PRDM9: variants seen among roughly 807,000 people sequenced by gnomAD.
The protein encoded by PRDM9 is PR/SET domain 9, also known as histone-lysine N-methyltransferase PRDM9.
In PRDM9, 47 loss-of-function variants were observed where a neutral mutation model predicts 55.6. That is an observed-to-expected ratio of 0.85 (90% CI 0.67 to 1.08). PRDM9 has a LOEUF of 1.08. Ranked by LOEUF, PRDM9 falls within the 50% of genes least tolerant of loss-of-function variation. The pLI is 0.00. For synonymous variants in PRDM9, 312 were observed against 375.7 expected (o/e 0.83, Z 1.96); for missense variants, 867 against 1,040.3 (o/e 0.83, Z 2.29).
chr5:23,516,801 C>T (rs1034911026), intron 4 of PRDM9, among the ~76,000 whole-genome samples: 48 of 144,334 alleles, frequency 3.3e-4, no homozygotes, highest in Middle Eastern at 7.9e-3. Flanking sequence ...TTCACTGCAA[C>T]CTCTGCCTCC....
intron 4 of PRDM9, 70 bp from the exon 5 acceptor site, chr5:23,517,811 A>C (rs1739244430): frequency 2.9e-6 from 4 of 1,393,988 alleles, no homozygotes; most frequent in Non-Finnish European, 4.1e-6. Context: ...AAAATAAAAA[A>C]TAGAAGAGAG....
At position 23,509,936 on chromosome 5, in the gene PRDM9, AC is replaced by A. The variant is rs774933377; in HGVS notation, c.212del (p.Pro71GlnfsTer38). 2.5e-6 allele frequency: 4 copies of A among 1,613,970 alleles called. No individual in the cohort carries two copies. In the South Asian group the frequency reaches 4.4e-5, roughly 18 times the overall value. On this transcript the variant is annotated frameshift_variant, in exon 4 of 11. Coordinates refer to ENST00000296682, the MANE Select transcript of PRDM9 (RefSeq NM_020227.4). LOFTEE classifies it high-confidence loss of function. ...TCTTTTCAGGTCTCAGAGCCACTCG[AC>A]CAGCTTTCATGTGTCACCGAAGGCA... ...LITIGLRATR[P>X]AFMCHRRQAI... is the part of the protein sequence containing the mutation.
intron 4 of PRDM9, among the ~76,000 whole-genome samples, chr5:23,514,545 T>C (rs2126414401): frequency 6.6e-6 from 1 of 152,010 alleles, no homozygotes; most frequent in African/African-American, 2.4e-5. Flanking sequence ...ACCTCCTGGG[T>C]TCAAGCAATT....
In PRDM9 at chr5:23,527,786, A is replaced by C; in HGVS notation, c.*13A>C. 1 of 1,614,132 alleles carries C rather than the reference A, an allele frequency of 6.2e-7. No individual in the cohort carries two copies. The highest frequency in any genetic ancestry group is 1.6e-4 in the Middle Eastern group (1 of 6,062). On this transcript the variant is annotated 3_prime_UTR_variant, in exon 11 of 11. Transcript: ENST00000296682. Reference sequence around the variant, plus strand: ...GGAGGATGAGTAAGTCATTAGTAATAAAACCTCATCTCAATAGCCACAAAA... The same window carrying C: ...GGAGGATGAGTAAGTCATTAGTAATCAAACCTCATCTCAATAGCCACAAAA...
At position 23,522,209 on chromosome 5, in the gene PRDM9, G is replaced by A; in HGVS notation, c.509-95G>A. The A allele has an allele frequency of 3.7e-6, 4 of 1,085,544 alleles. No individual in the cohort carries two copies. In the South Asian group the frequency reaches 3.7e-5, roughly 10 times the overall value. 67.2% of individuals were successfully genotyped at this position (1,085,544 alleles called of 1,614,324 possible). On this transcript the variant is annotated intron_variant, in intron 6 of 10. Coordinates refer to ENST00000296682, the MANE Select transcript of PRDM9 (RefSeq NM_020227.4). ...GGACACTAGAGTATGTAGAAAGGTA[G>A]ATGCCAATTTGATGGTAGATTTCAC...
intron 1 of PRDM9, among the ~76,000 whole-genome samples, chr5:23,508,681 C>T (rs573789752): frequency 1.3e-5 from 2 of 152,288 alleles, no homozygotes; most frequent in Non-Finnish European, 2.9e-5. Context: ...TAGCTACAAC[C>T]CTCCAGGCAC....
At chr5:23,509,647 G>T in intron 3 of PRDM9, 54 bp downstream of exon 3, 1 of 1,613,132 alleles carries the variant, frequency 6.2e-7, no homozygotes, top group Non-Finnish European at 8.5e-7. Flanking sequence ...ACAGGTCTTT[G>T]GTCCCTATAT....
rs147810365 is a variant in PRDM9, at chr5:23,516,118, T to C, written c.302-1763T>C. Among the ~76,000 whole-genome samples the C allele has an allele frequency of 3.4e-3, 524 of 152,322 alleles. 1 individual carries two copies. The highest frequency in any genetic ancestry group is 0.012 in the African/African-American group (488 of 41,570). ...TTTGATAGTATGAACATGTTAACAA[T>C]ATTAAGTCTTCAAATCCATGAACAC... On this transcript the variant is annotated intron_variant, in intron 4 of 10. Coordinates refer to ENST00000296682, the MANE Select transcript of PRDM9 (RefSeq NM_020227.4).
At chr5:23,521,201 G>GA (rs749227033) in intron 6 of PRDM9, 22 bp downstream of exon 6, 1 of 1,611,776 alleles carries the variant, frequency 6.2e-7, no homozygotes, top group Non-Finnish European at 8.5e-7. Context: ...TATTTGCGGG[G>GA]ACTTTAGTCC....
chr5:23,526,261 C>T lies in PRDM9; in HGVS notation c.1173C>T (p.Pro391=). The change falls in exon 11 of 11, where the codon CCC becomes CCT. Residue 391 remains proline (P), a synonymous_variant. Coordinates refer to ENST00000296682, the MANE Select transcript of PRDM9 (RefSeq NM_020227.4). Reference sequence around the variant, plus strand: ...CAAAGCCAGAGATCCATCCATGTCCCTCATGCTGTCTGGCCTTTTCAAGTC... The same window carrying T: ...CAAAGCCAGAGATCCATCCATGTCCTTCATGCTGTCTGGCCTTTTCAAGTC... ...REPKPEIHPC[P]SCCLAFSSQK... 1.9e-6 allele frequency: 3 copies of T among 1,614,204 alleles called. No individual in the cohort carries two copies. Among genetic ancestry groups the T allele is most frequent in the Non-Finnish European group, 2.5e-6 (3 of 1,180,040 alleles).
At position 23,526,213 on chromosome 5, in the gene PRDM9, C is replaced by T; in HGVS notation, c.1145-20C>T. ...GGCCTGAACAAAACATCTACCCTGA[C>T]CAAAAACTTCCTCTTTCAGAACCAA... On this transcript the variant is annotated intron_variant, in intron 10 of 10. Coordinates refer to ENST00000296682, the MANE Select transcript of PRDM9 (RefSeq NM_020227.4). 3.7e-6 allele frequency: 6 copies of T among 1,610,680 alleles called. No individual in the cohort carries two copies. The highest frequency in any genetic ancestry group is 5.1e-6 in the Non-Finnish European group (6 of 1,176,874).
At position 23,527,561 on chromosome 5, in the gene PRDM9, A is replaced by G. The variant is rs745855820; in HGVS notation, c.2473A>G (p.Thr825Ala). ...GTCACACCTCCTCAGACACCAGAGG[A>G]CACACACAGGGGAGAAGCCCTATGT... is the stretch of plus-strand genomic sequence containing the variant. ...NKSHLLRHQR[T>A]HTGEKPYVCR... is the part of the protein sequence containing the mutation. Residue 825 changes from threonine to alanine, a missense_variant, in exon 11 of 11, where the codon ACA becomes GCA. This residue lies in a region of PRDM9 where 92 missense variants were observed against 185.7 expected (regional missense o/e 0.50). Coordinates refer to ENST00000296682, the MANE Select transcript of PRDM9 (RefSeq NM_020227.4). 42 of 1,574,392 alleles carry G rather than the reference A, an allele frequency of 2.7e-5. No homozygotes were observed. Among genetic ancestry groups the G allele is most frequent in the Non-Finnish European group, 7.7e-6 (9 of 1,168,556 alleles).
chr5:23,518,169 A>T (rs1368706801), intron 5 of PRDM9, among the ~76,000 whole-genome samples: 1 of 152,210 alleles, frequency 6.6e-6, no homozygotes, highest in Non-Finnish European at 1.5e-5. Context: ...ACATGAATAA[A>T]CTTTACATAT....
Position 23,527,602 on chromosome 5 carries a change from G to A in PRDM9, c.2514G>A (p.Gly838=), listed in dbSNP as rs1369236786. 1 of 1,512,366 alleles carries A rather than the reference G, an allele frequency of 6.6e-7. No individual in the cohort carries two copies. Among genetic ancestry groups the A allele is most frequent in the Non-Finnish European group, 8.9e-7 (1 of 1,126,538 alleles). The allele number at this position is 1,512,366 out of a possible 1,614,324, so 93.7% of individuals were successfully genotyped here. The change falls in exon 11 of 11, where the codon GGG becomes GGA. Residue 838 remains glycine (G), a synonymous_variant. Transcript: ENST00000296682. ...GEKPYVCREC[G]RGFRNKSHLL... ...AGCCCTATGTCTGCAGGGAGTGTGG[G>A]CGGGGCTTTCGCAATAAGTCACACC...
At chr5:23,516,608 G>A (rs567439299) in intron 4 of PRDM9, among the ~76,000 whole-genome samples, 56 of 151,814 alleles carry the variant, frequency 3.7e-4, no homozygotes, top group African/African-American at 9.2e-4. Flanking sequence ...TCCTGACCTC[G>A]TGATCTGCGC....
chr5:23,521,023 G>C lies in PRDM9; in HGVS notation c.352G>C (p.Gly118Arg). The change falls in exon 6 of 11, where the codon GGA (glycine) becomes CGA (arginine). Residue 118 changes from glycine to arginine, a missense_variant and splice_region_variant. This residue lies in a region of PRDM9 where 662 missense variants were observed against 711.9 expected (regional missense o/e 0.93). Transcript: ENST00000296682. ...TTAATATGTGACTCTCACATTAAAG[G>C]GAATGCCCAAGGCGTCATTCAGTAA... The part of the protein sequence containing the change: ...LRVEQRKHQK[G>R]MPKASFSNES... 6.2e-7 allele frequency: 1 copy of C among 1,614,028 alleles called. No individual in the cohort carries two copies. The highest frequency in any genetic ancestry group is 1.1e-5 in the South Asian group (1 of 91,072).
chr5:23,524,996 G>C (rs540831958), intron 10 of PRDM9, among the ~76,000 whole-genome samples: 38 of 152,320 alleles, frequency 2.5e-4, no homozygotes, highest in African/African-American at 8.4e-4. Flanking sequence ...CAGAAAAACT[G>C]CTCTTGACAT....
intron 9 of PRDM9, among the ~76,000 whole-genome samples, chr5:23,524,022 G>A (rs1349487542): frequency 1.3e-5 from 2 of 152,196 alleles, no homozygotes; most frequent in Non-Finnish European, 2.9e-5. Context: ...TTAGAGTTTA[G>A]AGAAGCTAGA....
chr5:23,517,291 A>G (rs913571675), intron 4 of PRDM9, among the ~76,000 whole-genome samples: 8 of 152,054 alleles, frequency 5.3e-5, no homozygotes, highest in Admixed American at 2.0e-4. Flanking sequence ...AATGTACTAG[A>G]TACCTTATTA....
Sources: gnomAD v4.1 joint callset for allele counts (sites outside exome capture counted in the v4.1 genomes callset) on GRCh38, gnomAD v4.1.1 for gene constraint, gnomAD v4.1.1 regional missense constraint, MANE v1.5 for transcripts, NCBI Gene and HGNC (gene_info 2026-07-23, HGNC 2026-07-21) for gene names.